Variants in ANK2 observed in about 807,000 individuals in gnomAD.
The protein encoded by ANK2 is ankyrin 2, also known as ankyrin-2.
In ANK2, 83 loss-of-function variants were observed where a neutral mutation model predicts 360.5. The ratio of observed to expected loss-of-function variants is 0.23; its 90% CI spans 0.19 to 0.28. ANK2 has a LOEUF of 0.28. Ranked by LOEUF, ANK2 falls within the 10% of genes least tolerant of loss-of-function variation. The pLI is 1.00. For synonymous variants in ANK2, 1,740 were observed against 1,759.5 expected (o/e 0.99, Z 0.28); for missense variants, 4,201 against 4,795.7 (o/e 0.88, Z 3.66).
chr4:113,130,283 A>G (rs907033883), intron 1 of ANK2, among the ~76,000 whole-genome samples: 3 of 152,074 alleles, frequency 2.0e-5, no homozygotes, highest in Non-Finnish European at 4.4e-5. Context: ...TCTCATTTTC[A>G]TTAACTTTGC....
At chr4:112,953,711 C>T (rs2095173101) in intron 2 of ANK2, among the ~76,000 whole-genome samples, 1 of 152,182 alleles carries the variant, frequency 6.6e-6, no homozygotes, top group Non-Finnish European at 1.5e-5. Context: ...TGACTCTACT[C>T]TGGCAGAGGT....
At chr4:113,153,413 C>T (rs1299888356) in intron 1 of ANK2, among the ~76,000 whole-genome samples, 1 of 152,064 alleles carries the variant, frequency 6.6e-6, no homozygotes, top group African/African-American at 2.4e-5. Context: ...GAAAATCTTT[C>T]CTTTTTGAAA....
chr4:112,993,337 C>T (rs1454592481), intron 2 of ANK2, among the ~76,000 whole-genome samples: 1 of 152,134 alleles, frequency 6.6e-6, no homozygotes, highest in Non-Finnish European at 1.5e-5. Context: ...GAGTCTCGCT[C>T]TGTCACCCAG....
At chr4:112,740,648 G>A in the ANK2 span, among the ~76,000 whole-genome samples, 1 of 151,930 alleles carries the variant, frequency 6.6e-6, no homozygotes, top group African/African-American at 2.4e-5. Context: ...AACCCAGTGA[G>A]CCGAGATCTT....
the ANK2 span, among the ~76,000 whole-genome samples, chr4:112,800,957 C>T: frequency 1.3e-5 from 2 of 152,228 alleles, no homozygotes; most frequent in Non-Finnish European, 2.9e-5. Context: ...ACCCGGCTGG[C>T]TTTTCATTTT....
chr4:113,348,524 G>T (rs575226980), intron 36 of ANK2, among the ~76,000 whole-genome samples: 2 of 152,138 alleles, frequency 1.3e-5, no homozygotes, highest in Admixed American at 1.3e-4. Flanking sequence ...TTGCCATGTC[G>T]CTATGCAATA....
the ANK2 span, among the ~76,000 whole-genome samples, chr4:112,787,610 G>A: frequency 6.6e-6 from 1 of 152,186 alleles, no homozygotes; most frequent in African/African-American, 2.4e-5. Flanking sequence ...CTTTGAGTAA[G>A]TCCACTCCAT....
At chr4:113,144,875 G>T (rs930776283) in intron 1 of ANK2, among the ~76,000 whole-genome samples, 1 of 149,306 alleles carries the variant, frequency 6.7e-6, no homozygotes, top group Non-Finnish European at 1.5e-5. Context: ...GAGGAATAAA[G>T]CTTAATCCAT....
intron 1 of ANK2, among the ~76,000 whole-genome samples, chr4:113,151,576 T>C (rs1027573058): frequency 5.9e-5 from 9 of 152,244 alleles, no homozygotes; most frequent in Middle Eastern, 6.8e-3. Flanking sequence ...CTAAACACCT[T>C]TTATTAGGCT....
intron 4 of ANK2, among the ~76,000 whole-genome samples, chr4:113,228,097 A>C (rs2099247071): frequency 6.6e-6 from 1 of 152,236 alleles, no homozygotes; most frequent in African/African-American, 2.4e-5. Flanking sequence ...TGTTTGTGAA[A>C]TGCTCTAACC....
At chr4:113,227,595 T>A (rs1265976253) in intron 4 of ANK2, among the ~76,000 whole-genome samples, 1 of 152,166 alleles carries the variant, frequency 6.6e-6, no homozygotes, top group African/African-American at 2.4e-5. Flanking sequence ...ACCTAGGCAC[T>A]CTTAAAAGCT....
At chr4:112,799,639 C>G in the ANK2 span, among the ~76,000 whole-genome samples, 1 of 151,986 alleles carries the variant, frequency 6.6e-6, no homozygotes, top group South Asian at 2.1e-4. Context: ...GCCTCAGCCT[C>G]TCTAGTAGCT....
At chr4:112,827,320 C>A in intron 1 of ANK2, 1 of 1,157,332 alleles carries the variant, frequency 8.6e-7, no homozygotes, top group Non-Finnish European at 1.3e-6. Context: ...GAGATTAAAG[C>A]AGAAAGCCAA....
chr4:113,181,318 C>T (rs1258341715), intron 2 of ANK2, among the ~76,000 whole-genome samples: 1 of 152,090 alleles, frequency 6.6e-6, no homozygotes, highest in Admixed American at 6.6e-5. Context: ...TATGGCTAAG[C>T]GACATGGATT....
upstream of ANK2, among the ~76,000 whole-genome samples, chr4:112,817,773 G>A (rs2055805800): frequency 6.6e-6 from 1 of 152,102 alleles, no homozygotes; most frequent in Non-Finnish European, 1.5e-5. Context: ...CTTGGCAGTA[G>A]CTTATTCCTC....
In ANK2 at chr4:112,841,210, A is replaced by C. The variant is rs150997161; in HGVS notation, c.-40+22946A>C. Among the ~76,000 whole-genome samples the C allele has an allele frequency of 1.1e-3, 175 of 152,258 alleles. 1 individual carries two copies. The highest frequency in any genetic ancestry group is 4.1e-3 in the African/African-American group (171 of 41,540). ...CACTATTTTTAGAGACAAAGCCACA[A>C]TATCTTAGTCTTTAAGCAAGTGTGT... On this transcript the variant is annotated intron_variant, in intron 1 of 30. Transcript: ENST00000503271.
chr4:113,165,180 G>T (rs1263524611), intron 1 of ANK2, among the ~76,000 whole-genome samples: 1 of 152,130 alleles, frequency 6.6e-6, no homozygotes, highest in Non-Finnish European at 1.5e-5. Flanking sequence ...CTAGCTAGTT[G>T]AAAATTGGGA....
At chr4:112,799,635 G>T in the ANK2 span, among the ~76,000 whole-genome samples, 1 of 151,898 alleles carries the variant, frequency 6.6e-6, no homozygotes. Context: ...TCCTGCCTCA[G>T]CCTCTCTAGT....
At chr4:112,961,100 A>G (rs1235995316) in intron 2 of ANK2, among the ~76,000 whole-genome samples, 1 of 151,930 alleles carries the variant, frequency 6.6e-6, no homozygotes, top group East Asian at 1.9e-4. Context: ...AATAGAGACA[A>G]ATAGGTTACA....
Sources: gnomAD v4.1 joint callset for allele counts (sites outside exome capture counted in the v4.1 genomes callset) on GRCh38, gnomAD v4.1.1 for gene constraint, MANE v1.5 for transcripts, NCBI Gene and HGNC (gene_info 2026-07-23, HGNC 2026-07-21) for gene names.